CHMP4B: variants seen among roughly 807,000 people sequenced by gnomAD.
The protein encoded by CHMP4B is SNF7 homolog associated with Alix 1.
A neutral mutation model predicts 25.1 loss-of-function variants in CHMP4B; 1 was observed. The ratio of observed to expected loss-of-function variants is 0.04; its 90% CI spans 0.01 to 0.19. The LOEUF (loss-of-function observed/expected upper bound fraction) is 0.19. Ranked by LOEUF, CHMP4B falls within the 10% of genes least tolerant of loss-of-function variation. The pLI is 1.00. For synonymous variants in CHMP4B, 101 were observed against 115.6 expected, an observed-to-expected ratio of 0.87 and a Z score of 0.81; for missense variants, 151 against 289.7, an observed-to-expected ratio of 0.52 and a Z score of 3.48.
rs1462378074 is a variant in CHMP4B, at chr20:33,848,510, G to T, written c.234G>T (p.Gln78His). 1 of 1,614,248 alleles carries T rather than the reference G, an allele frequency of 6.2e-7. No homozygotes were observed. Among genetic ancestry groups the T allele is most frequent in the Admixed American group, 1.7e-5 (1 of 60,036 alleles). ...ALKRKKRYEK[Q>H]LAQIDGTLST... ...AGCGTAAGAAGAGGTATGAGAAGCA[G>T]CTGGCGCAGATCGACGGCACATTAT... Residue 78 changes from glutamine to histidine, a missense_variant, in exon 2 of 5, where the codon CAG becomes CAT. Physicochemically the swap from Gln to His is conservative, Grantham distance 24. This residue lies in a region of CHMP4B where 82 missense variants were observed against 208.3 expected (regional missense o/e 0.39). Coordinates refer to ENST00000217402, the MANE Select transcript of CHMP4B (RefSeq NM_176812.5).
intron 1 of CHMP4B, among the ~76,000 whole-genome samples, chr20:33,818,463 T>C (rs549879281): frequency 6.6e-6 from 1 of 152,356 alleles, no homozygotes; most frequent in East Asian, 1.9e-4. Context: ...AGGATTTATA[T>C]TAGGTGCCCT....
chr20:33,832,804 G>A (rs1165725335), intron 1 of CHMP4B, among the ~76,000 whole-genome samples: 2 of 148,224 alleles, frequency 1.3e-5, no homozygotes, highest in South Asian at 2.1e-4. Context: ...AAAGAGACAG[G>A]GTCTCGTTCT....
intron 1 of CHMP4B, among the ~76,000 whole-genome samples, chr20:33,814,111 A>G (rs937902201): frequency 6.6e-6 from 1 of 152,210 alleles, no homozygotes; most frequent in Non-Finnish European, 1.5e-5. Context: ...GACCAATCTC[A>G]GTTGTCAGAC....
chr20:33,840,779 G>A (rs191860927), intron 1 of CHMP4B, among the ~76,000 whole-genome samples: 109 of 152,318 alleles, frequency 7.2e-4, no homozygotes, highest in Middle Eastern at 3.4e-3. Context: ...CCTGCAGTAA[G>A]TAATACCAGT....
At chr20:33,815,708 A>G (rs1186263891) in intron 1 of CHMP4B, among the ~76,000 whole-genome samples, 1 of 152,228 alleles carries the variant, frequency 6.6e-6, no homozygotes, top group Non-Finnish European at 1.5e-5. Context: ...TTAAATGAAA[A>G]AAACAATCTT....
At chr20:33,851,960 C>A in intron 3 of CHMP4B, 117 bp from the exon 4 acceptor site, 2 of 1,379,514 alleles carry the variant, frequency 1.4e-6, no homozygotes, top group Non-Finnish European at 2.1e-6. Flanking sequence ...GAATTCACCT[C>A]CCCGCAGACC....
At chr20:33,823,650 G>A (rs1203366472) in intron 1 of CHMP4B, among the ~76,000 whole-genome samples, 1 of 152,158 alleles carries the variant, frequency 6.6e-6, no homozygotes, top group African/African-American at 2.4e-5. Flanking sequence ...CACTTCTCCT[G>A]TCTCAGCCTC....
At chr20:33,815,218 C>T (rs1373370937) in intron 1 of CHMP4B, among the ~76,000 whole-genome samples, 2 of 152,110 alleles carry the variant, frequency 1.3e-5, no homozygotes, top group South Asian at 4.1e-4. Flanking sequence ...AAATATGTTA[C>T]GCATGCCAAG....
chr20:33,820,215 T>C (rs897197636), intron 1 of CHMP4B, among the ~76,000 whole-genome samples: 5 of 151,986 alleles, frequency 3.3e-5, no homozygotes, highest in Admixed American at 1.3e-4. Context: ...ATGTGGACTC[T>C]TAGGCCCCAT....
At chr20:33,845,869 CT>C (rs1979676147) in intron 1 of CHMP4B, among the ~76,000 whole-genome samples, 1 of 152,230 alleles carries the variant, frequency 6.6e-6, no homozygotes, top group East Asian at 1.9e-4. Flanking sequence ...CCCAGGACCT[CT>C]TCCCTCTGAC....
chr20:33,844,514 G>A (rs1284176226), intron 1 of CHMP4B, among the ~76,000 whole-genome samples: 1 of 152,146 alleles, frequency 6.6e-6, no homozygotes, highest in Non-Finnish European at 1.5e-5. Flanking sequence ...CATTTATTTG[G>A]GGGATTTTAG....
chr20:33,816,096 G>C (rs1978776315), intron 1 of CHMP4B, among the ~76,000 whole-genome samples: 1 of 152,168 alleles, frequency 6.6e-6, no homozygotes, highest in Non-Finnish European at 1.5e-5. Context: ...TGTGTCCCAG[G>C]TAGTGGTTCC....
chr20:33,845,502 T>TA (rs1175653375), intron 1 of CHMP4B, among the ~76,000 whole-genome samples: 1 of 152,118 alleles, frequency 6.6e-6, no homozygotes, highest in African/African-American at 2.4e-5. Context: ...TTTGTATTTT[T>TA]AGTAGAGATG....
At chr20:33,845,054 C>T (rs182463922) in intron 1 of CHMP4B, among the ~76,000 whole-genome samples, 39 of 152,140 alleles carry the variant, frequency 2.6e-4, no homozygotes, top group Non-Finnish European at 3.4e-4. Flanking sequence ...CCACCGCGCC[C>T]GGCCGAGTGT....
At chr20:33,825,134 T>C (rs1979059198) in intron 1 of CHMP4B, among the ~76,000 whole-genome samples, 4 of 152,226 alleles carry the variant, frequency 2.6e-5, no homozygotes, top group Non-Finnish European at 4.4e-5. Flanking sequence ...GATCAACCCA[T>C]AGTCCCTAGT....
intron 1 of CHMP4B, among the ~76,000 whole-genome samples, chr20:33,815,723 G>C (rs973444713): frequency 2.6e-5 from 4 of 152,182 alleles, no homozygotes; most frequent in African/African-American, 9.7e-5. Context: ...AATCTTGTGG[G>C]TAAGTTCTGT....
At chr20:33,849,587 G>C (rs1979788878) in intron 2 of CHMP4B, among the ~76,000 whole-genome samples, 1 of 152,030 alleles carries the variant, frequency 6.6e-6, no homozygotes, top group Non-Finnish European at 1.5e-5. Flanking sequence ...GACAGAGTGA[G>C]ACTCTATCTC....
At chr20:33,814,608 C>G (rs939361256) in intron 1 of CHMP4B, among the ~76,000 whole-genome samples, 2 of 152,072 alleles carry the variant, frequency 1.3e-5, no homozygotes, top group African/African-American at 4.8e-5. Flanking sequence ...AGTCTTTGGA[C>G]CTTGACCTGG....
At chr20:33,815,901 A>C (rs558832070) in intron 1 of CHMP4B, among the ~76,000 whole-genome samples, 4 of 152,134 alleles carry the variant, frequency 2.6e-5, no homozygotes, top group Admixed American at 6.5e-5. Flanking sequence ...TTAAACACCC[A>C]CCTGTGCAAG....
Sources: gnomAD v4.1 joint callset for allele counts (sites outside exome capture counted in the v4.1 genomes callset) on GRCh38, gnomAD v4.1.1 for gene constraint, gnomAD v4.1.1 regional missense constraint, MANE v1.5 for transcripts, NCBI Gene and HGNC (gene_info 2026-07-23, HGNC 2026-07-21) for gene names.